Variants in PADI2 observed in about 807,000 individuals in gnomAD.
PADI2 encodes the protein protein-arginine deiminase type-2.
A neutral mutation model predicts 81.1 loss-of-function variants in PADI2; 70 were observed. The ratio of observed to expected loss-of-function variants is 0.86; its 90% CI spans 0.71 to 1.05. The LOEUF is 1.05. Ranked by LOEUF, PADI2 falls within the 50% of genes least tolerant of loss-of-function variation. The probability of loss-of-function intolerance (pLI) is 0.00; values close to 1 mark genes in which losing one functional copy is unlikely to be tolerated. For missense variants in PADI2, 853 were observed against 889.9 expected (o/e 0.96, Z 0.53); for synonymous variants, 338 against 358.0 (o/e 0.94, Z 0.63).
At chr1:17,093,523 T>G (rs755964002) in intron 5 of PADI2, 44 bp downstream of exon 5, 2 of 1,286,102 alleles carry the variant, frequency 1.6e-6, no homozygotes, top group Admixed American at 1.7e-5. Flanking sequence ...ATGAATCTTT[T>G]CACTCCTCTC....
At chr1:17,071,341 T>G in intron 14 of PADI2, 65 bp downstream of exon 14, 1 of 1,204,820 alleles carries the variant, frequency 8.3e-7, no homozygotes, top group Non-Finnish European at 1.2e-6. Flanking sequence ...GCCCCAAGGA[T>G]GTAAGGGCCT....
intron 3 of PADI2, among the ~76,000 whole-genome samples, chr1:17,102,472 C>A (rs1931176680): frequency 6.6e-6 from 1 of 152,190 alleles, no homozygotes; most frequent in African/African-American, 2.4e-5. Context: ...AATTCCCTAA[C>A]CTCTCTGGGC....
At position 17,083,795 on chromosome 1, in the gene PADI2, A is replaced by G. The variant is rs768858965; in HGVS notation, c.981T>C (p.Leu327=). 8 of 1,613,458 alleles carry G rather than the reference A, an allele frequency of 5.0e-6. No individual in the cohort carries two copies. In the East Asian group the frequency reaches 1.3e-4, roughly 27 times the overall value. The change falls in exon 9 of 16, where the codon CTT becomes CTC. Residue 327 remains leucine, a synonymous_variant. Coordinates refer to ENST00000375486, the MANE Select transcript of PADI2 (RefSeq NM_007365.3). ...TCAGCTCACAGTTGGTTTTCTCCACAAGGTTCTTCACCTCTTTCAGGAACA... is the reference window on the plus strand; with the variant it reads ...TCAGCTCACAGTTGGTTTTCTCCACGAGGTTCTTCACCTCTTTCAGGAACA... ...NYLFLKEVKN[L]VEKTNCELKV...
intron 5 of PADI2, 132 bp downstream of exon 5, chr1:17,093,435 A>G (rs1930779884): frequency 8.9e-6 from 6 of 672,358 alleles, no homozygotes; most frequent in Non-Finnish European, 1.6e-5. Context: ...TTTAAGCAAG[A>G]GTGGGAATTT....
rs2078371771 is a variant in PADI2, at chr1:17,084,651, G to A, written c.886C>T (p.Pro296Ser). The change falls in exon 8 of 16, where the codon CCG (proline) becomes TCG (serine). Residue 296 changes from proline to serine, a missense_variant. Pro to Ser is a moderately conservative substitution (Grantham distance 74, BLOSUM62 -1). Coordinates refer to ENST00000375486, the MANE Select transcript of PADI2 (RefSeq NM_007365.3). ...AGGATGTTGGGGGTCATGATCCACG[G>A]AGCAATCCGGAATATCACGGTGTCC... ...FTDTVIFRIA[P>S]WIMTPNILPP... is the part of the protein sequence containing the mutation. The A allele has an allele frequency of 1.9e-6, 3 of 1,576,908 alleles. No individual in the cohort carries two copies. The East Asian group carries it at 7.1e-5, about 37-fold the overall frequency.
chr1:17,070,061 C>T (rs529277815), intron 15 of PADI2, 27 bp downstream of exon 15: 55 of 1,609,102 alleles, frequency 3.4e-5, no homozygotes, highest in Non-Finnish European at 2.4e-5. Context: ...TGGCATGGGG[C>T]GAGGGTTGGG....
chr1:17,075,278 A>G (rs889628910), intron 12 of PADI2: 10 of 318,608 alleles, frequency 3.1e-5, no homozygotes, highest in Non-Finnish European at 5.2e-5. Flanking sequence ...ACCTCTTTCC[A>G]GTGCCACAGG....
intron 1 of PADI2, among the ~76,000 whole-genome samples, chr1:17,118,457 A>G (rs915957684): frequency 1.3e-5 from 2 of 152,098 alleles, no homozygotes; most frequent in Non-Finnish European, 2.9e-5. Context: ...GAGACAGATC[A>G]TTGGACTTGG....
chr1:17,117,113 T>C (rs1436093432), intron 1 of PADI2, among the ~76,000 whole-genome samples: 1 of 152,150 alleles, frequency 6.6e-6, no homozygotes, highest in African/African-American at 2.4e-5. Context: ...CAAAATGCAA[T>C]AGTGCGAGAT....
rs76927641 is a variant in PADI2 at position 17,092,163 on chromosome 1, G to A, written c.655+245C>T. On this transcript the variant is annotated intron_variant, in intron 6 of 15. Transcript: ENST00000375486. ...CCAAATGCCCTTCCTCCCCTGATTCGTAGGGAGGAAGGGCCTCTGGGTTCT... is the reference window on the plus strand; with the variant it reads ...CCAAATGCCCTTCCTCCCCTGATTCATAGGGAGGAAGGGCCTCTGGGTTCT... Among the ~76,000 whole-genome samples the A allele has an allele frequency of 7.8e-3, 1,182 of 152,190 alleles. 20 individuals carry two copies. The highest frequency in any genetic ancestry group is 0.026 in the African/African-American group (1,098 of 41,536).
At chr1:17,096,809 T>C (rs2746514) in intron 3 of PADI2, among the ~76,000 whole-genome samples, 93,697 of 151,898 alleles carry the variant, frequency 0.62, 29,227 homozygotes, top group African/African-American at 0.68. Flanking sequence ...GTTTCCTCAC[T>C]TGTAACATGG....
intron 2 of PADI2, among the ~76,000 whole-genome samples, chr1:17,103,902 T>C (rs987105234): frequency 6.6e-6 from 1 of 151,664 alleles, no homozygotes; most frequent in African/African-American, 2.4e-5. Flanking sequence ...GAGGACTGCT[T>C]GAACCCAGTA....
chr1:17,110,823 A>G (rs1045984858), intron 1 of PADI2, among the ~76,000 whole-genome samples: 2 of 152,138 alleles, frequency 1.3e-5, no homozygotes, highest in African/African-American at 2.4e-5. Flanking sequence ...CCCTTTTGGC[A>G]GTTCACTCCT....
intron 1 of PADI2, among the ~76,000 whole-genome samples, chr1:17,111,067 A>G (rs1931563069): frequency 1.4e-5 from 2 of 146,144 alleles, no homozygotes; most frequent in Non-Finnish European, 3.0e-5. Context: ...CCCTGGGCCC[A>G]TGGAAAAGAC....
intron 7 of PADI2, among the ~76,000 whole-genome samples, chr1:17,086,147 G>A (rs563515784): frequency 7.9e-5 from 12 of 152,180 alleles, no homozygotes; most frequent in East Asian, 1.9e-4. Flanking sequence ...AGTACAGAGC[G>A]CGCAGTAGGT....
At chr1:17,109,416 A>T (rs986780951) in intron 1 of PADI2, among the ~76,000 whole-genome samples, 1 of 116,030 alleles carries the variant, frequency 8.6e-6, no homozygotes, top group Non-Finnish European at 1.8e-5. Context: ...AAAAAAAAAA[A>T]GCTTGGGATA....
rs1425846056 is a variant in PADI2, at chr1:17,095,869, C to T, written c.411+40G>A. On this transcript the variant is annotated intron_variant, in intron 4 of 15. Coordinates refer to ENST00000375486, the MANE Select transcript of PADI2 (RefSeq NM_007365.3). ...GGATCTGGGGCTGTGCCCTCGGAAG[C>T]CCTGGGTTCAGGGTGGTGCCTGCCC... 1.9e-6 allele frequency: 3 copies of T among 1,546,898 alleles called. No homozygotes were observed. The South Asian group carries it at 3.5e-5, about 18-fold the overall frequency.
At chr1:17,118,397 T>C (rs952602813) in intron 1 of PADI2, among the ~76,000 whole-genome samples, 2 of 152,064 alleles carry the variant, frequency 1.3e-5, no homozygotes, top group African/African-American at 4.8e-5. Flanking sequence ...AACCCCACCC[T>C]TTCATTCACA....
At chr1:17,086,351 C>G (rs1286687472) in intron 7 of PADI2, among the ~76,000 whole-genome samples, 170 bp downstream of exon 7, 2 of 152,150 alleles carry the variant, frequency 1.3e-5, no homozygotes, top group Non-Finnish European at 2.9e-5. Context: ...CTCAGAGGAC[C>G]CTGGCAGACA....
Sources: allele counts gnomAD v4.1 joint callset (sites outside exome capture counted in the v4.1 genomes callset), GRCh38; gene constraint gnomAD v4.1.1; transcripts MANE v1.5; gene names NCBI Gene and HGNC (gene_info 2026-07-23, HGNC 2026-07-21).